Variants in KCNIP1 observed in about 807,000 individuals in gnomAD.
KCNIP1 encodes the protein potassium voltage-gated channel interacting protein 1, also known as A-type potassium channel modulatory protein KCNIP1.
KCNIP1 carries 18 observed loss-of-function variants against 33.0 expected under a neutral mutation model. That is an observed-to-expected ratio of 0.55 (90% CI 0.38 to 0.81). The LOEUF is 0.81. Among genes scored for constraint, KCNIP1 ranks in the 30% least tolerant of loss-of-function variants. The probability of loss-of-function intolerance (pLI) is 0.00; values close to 1 mark genes in which losing one functional copy is unlikely to be tolerated. For synonymous variants in KCNIP1, 93 were observed against 98.3 expected (o/e 0.95, Z 0.32); for missense variants, 238 against 271.6 (o/e 0.88, Z 0.87).
chr5:170,401,428 A>T (rs1471399521), intron 1 of KCNIP1, among the ~76,000 whole-genome samples: 2 of 152,148 alleles, frequency 1.3e-5, no homozygotes, highest in Non-Finnish European at 2.9e-5. Context: ...CTCTGTCTCT[A>T]AGGAGGGAAG....
At chr5:170,353,845 C>T (rs956287070) in exon 1 of KCNIP1, 1 of 1,606,788 alleles carries the variant, frequency 6.2e-7, no homozygotes, top group South Asian at 1.1e-5. Flanking sequence ...CTTCTGGGTG[C>T]TGACAGCAGA....
intron 1 of KCNIP1, among the ~76,000 whole-genome samples, chr5:170,416,332 C>T (rs899471924): frequency 1.8e-4 from 28 of 152,102 alleles, no homozygotes; most frequent in Admixed American, 1.2e-3. Flanking sequence ...CCCTCATGGG[C>T]GGGCCCTCAA....
intron 1 of KCNIP1, among the ~76,000 whole-genome samples, chr5:170,534,682 C>A (rs1755909251): frequency 6.6e-6 from 1 of 151,958 alleles, no homozygotes; most frequent in African/African-American, 2.4e-5. Flanking sequence ...CCATGCCCAG[C>A]TAATTTTTTT....
intron 1 of KCNIP1, among the ~76,000 whole-genome samples, chr5:170,447,943 T>C (rs1439363359): frequency 6.6e-6 from 1 of 151,818 alleles, no homozygotes; most frequent in African/African-American, 2.4e-5. Context: ...ACTGGATGAC[T>C]CCTACCCAGT....
At chr5:170,582,102 C>T (rs1157446401) in intron 1 of KCNIP1, among the ~76,000 whole-genome samples, 3 of 152,178 alleles carry the variant, frequency 2.0e-5, no homozygotes, top group African/African-American at 4.8e-5. Context: ...CCATGAGGCC[C>T]CACCCCCAAC....
chr5:170,620,419 AAG>A (rs1759556919), intron 1 of KCNIP1, among the ~76,000 whole-genome samples: 1 of 152,200 alleles, frequency 6.6e-6, no homozygotes, highest in Admixed American at 6.5e-5. Context: ...TGGATGGAGA[AAG>A]AGATGCTTTC....
intron 1 of KCNIP1, among the ~76,000 whole-genome samples, chr5:170,463,885 C>T (rs1056113319): frequency 7.2e-5 from 11 of 152,094 alleles, no homozygotes; most frequent in South Asian, 2.1e-4. Context: ...AAACTATTTC[C>T]GGATGATACC....
chr5:170,561,738 A>G (rs1301865613), intron 1 of KCNIP1, among the ~76,000 whole-genome samples: 3 of 152,200 alleles, frequency 2.0e-5, no homozygotes, highest in Non-Finnish European at 4.4e-5. Flanking sequence ...TCAGTTCAAT[A>G]CAGTATATAT....
chr5:170,445,254 C>T (rs1756086021), intron 1 of KCNIP1, among the ~76,000 whole-genome samples: 1 of 152,200 alleles, frequency 6.6e-6, no homozygotes, highest in Non-Finnish European at 1.5e-5. Flanking sequence ...GGCCTGCCTC[C>T]TTCACTGTTG....
chr5:170,407,314 G>A (rs7736689), intron 1 of KCNIP1, among the ~76,000 whole-genome samples: 48,250 of 152,138 alleles, frequency 0.32, 8,922 homozygotes, highest in African/African-American at 0.52. Flanking sequence ...CCACAACTAA[G>A]GTGGGTGCAG....
At chr5:170,537,544 C>A (rs1756039402) in intron 1 of KCNIP1, among the ~76,000 whole-genome samples, 1 of 152,176 alleles carries the variant, frequency 6.6e-6, no homozygotes, top group African/African-American at 2.4e-5. Flanking sequence ...CCTCAGGACC[C>A]CCTCTCCACT....
intron 1 of KCNIP1, among the ~76,000 whole-genome samples, chr5:170,624,791 C>T (rs1001273850): frequency 5.4e-5 from 8 of 149,420 alleles, no homozygotes; most frequent in African/African-American, 7.4e-5. Flanking sequence ...GGGAGAAAAG[C>T]GCAGCTGGCT....
chr5:170,497,589 A>G (rs967534944), intron 1 of KCNIP1, among the ~76,000 whole-genome samples: 7 of 152,348 alleles, frequency 4.6e-5, no homozygotes, highest in Admixed American at 4.6e-4. Flanking sequence ...TTGTTAGAAC[A>G]TATTTGAATC....
chr5:170,628,882 G>A (rs1317953386), intron 1 of KCNIP1, among the ~76,000 whole-genome samples: 1 of 152,196 alleles, frequency 6.6e-6, no homozygotes, highest in Non-Finnish European at 1.5e-5. Flanking sequence ...GGGAGCTCTG[G>A]CCGTGCATGA....
chr5:170,658,077 T>A lies in KCNIP1; in HGVS notation c.62-60681T>A, dbSNP rs187917456. 5.3e-5 allele frequency among the ~76,000 whole-genome samples: 8 copies of A among 152,154 alleles called. No individual in the cohort carries two copies. In the East Asian group the frequency reaches 1.5e-3, roughly 29 times the overall value. ...TGGAAAGGCATTGCAGGCAGAGGGA[T>A]CAGTATAAGCAAATACTCAGACCAA... On this transcript the variant is annotated intron_variant, in intron 1 of 7. Coordinates refer to ENST00000328939, the MANE Select transcript of KCNIP1 (RefSeq NM_014592.4).
intron 1 of KCNIP1, among the ~76,000 whole-genome samples, chr5:170,702,339 G>A (rs1274035301): frequency 6.6e-6 from 1 of 152,234 alleles, no homozygotes; most frequent in East Asian, 1.9e-4. Context: ...GATGAAGCCA[G>A]TTCCCTCCCT....
At chr5:170,432,688 G>T (rs1051427913) in intron 1 of KCNIP1, among the ~76,000 whole-genome samples, 1 of 152,132 alleles carries the variant, frequency 6.6e-6, no homozygotes, top group Non-Finnish European at 1.5e-5. Flanking sequence ...AGACTCCTGG[G>T]ACAAGATGCA....
At chr5:170,617,314 C>A (rs921625114) in intron 1 of KCNIP1, among the ~76,000 whole-genome samples, 1 of 151,964 alleles carries the variant, frequency 6.6e-6, no homozygotes, top group Admixed American at 6.6e-5. Flanking sequence ...GAAACAAAGA[C>A]AAAAAGGCCG....
At chr5:170,669,765 C>T (rs149124287) in intron 1 of KCNIP1, 10 of 531,042 alleles carry the variant, frequency 1.9e-5, no homozygotes, top group South Asian at 1.7e-4. Context: ...AAAGAGCACA[C>T]ATTTTGAGAA....
Sources: allele counts gnomAD v4.1 joint callset (sites outside exome capture counted in the v4.1 genomes callset), GRCh38; gene constraint gnomAD v4.1.1; transcripts MANE v1.5; gene names NCBI Gene and HGNC (gene_info 2026-07-23, HGNC 2026-07-21).